The following JMJD1C variants were observed in gnomAD, a reference collection of about 807,000 sequenced individuals.
JMJD1C encodes the protein jumonji domain-containing protein 1C.
Under a neutral mutation model 245.3 loss-of-function variants are expected in JMJD1C, and 31 were observed. The ratio of observed to expected loss-of-function variants is 0.13; its 90% CI spans 0.09 to 0.17. The LOEUF (loss-of-function observed/expected upper bound fraction) is 0.17, where lower values mean the gene tolerates loss of function less well. Ranked by LOEUF, JMJD1C falls within the 10% of genes least tolerant of loss-of-function variation. The probability of loss-of-function intolerance (pLI) is 1.00; values close to 1 mark genes in which losing one functional copy is unlikely to be tolerated. For missense variants in JMJD1C, 2,691 were observed against 3,000.2 expected, an observed-to-expected ratio of 0.90 and a Z score of 2.41; for synonymous variants, 1,057 against 1,017.4, an observed-to-expected ratio of 1.04 and a Z score of -0.74.
intron 17 of JMJD1C, among the ~76,000 whole-genome samples, chr10:63,190,458 T>C (rs1321283492): frequency 6.6e-6 from 1 of 152,206 alleles, no homozygotes; most frequent in African/African-American, 2.4e-5. Context: ...CGCCTCAGTC[T>C]CCGAAAGTGC....
At chr10:63,380,105 AT>A (rs34420480) in intron 2 of JMJD1C, 121,839 of 330,178 alleles carry the variant, frequency 0.37, 10,769 homozygotes, top group Non-Finnish European at 0.39. Flanking sequence ...ACATCCAGCT[AT>A]TTTTTTTTTT....
chr10:63,521,208 G>T (rs1256637875), intron 1 of JMJD1C, among the ~76,000 whole-genome samples: 4 of 151,978 alleles, frequency 2.6e-5, no homozygotes. Context: ...GCGCGGGCTA[G>T]GATCCCGCCA....
chr10:63,334,300 G>C (rs1009350244), intron 2 of JMJD1C, among the ~76,000 whole-genome samples: 1 of 152,232 alleles, frequency 6.6e-6, no homozygotes, highest in South Asian at 2.1e-4. Flanking sequence ...TTAGGGAAAA[G>C]ACATGTAATT....
At chr10:63,484,647 A>T (rs1953937875) in intron 1 of JMJD1C, among the ~76,000 whole-genome samples, 1 of 150,754 alleles carries the variant, frequency 6.6e-6, no homozygotes, top group South Asian at 2.1e-4. Context: ...CTCTTAACTT[A>T]AAAAAAAAGG....
At chr10:63,226,586 G>C (rs1251101886) in intron 3 of JMJD1C, among the ~76,000 whole-genome samples, 4 of 151,586 alleles carry the variant, frequency 2.6e-5, no homozygotes, top group African/African-American at 9.7e-5. Flanking sequence ...GGTGGGGTGC[G>C]CACCTGTAGT....
At chr10:63,341,957 T>A (rs1943422270) in intron 2 of JMJD1C, among the ~76,000 whole-genome samples, 1 of 152,202 alleles carries the variant, frequency 6.6e-6, no homozygotes, top group Admixed American at 6.5e-5. Flanking sequence ...GTAACTATAT[T>A]CAGTGATGAT....
chr10:63,226,399 T>C (rs1019944023), intron 3 of JMJD1C, among the ~76,000 whole-genome samples: 3 of 151,982 alleles, frequency 2.0e-5, no homozygotes, highest in African/African-American at 7.3e-5. Flanking sequence ...AAAATAAAGG[T>C]ATTTTTTCAC....
intron 20 of JMJD1C, 114 bp from the exon 21 acceptor site, chr10:63,184,852 T>C: frequency 1.0e-6 from 1 of 977,830 alleles, no homozygotes. Flanking sequence ...ATAAGACAGG[T>C]AACAATTTTC....
intron 1 of JMJD1C, among the ~76,000 whole-genome samples, chr10:63,397,681 T>C (rs983834065): frequency 1.3e-5 from 2 of 149,558 alleles, no homozygotes; most frequent in Non-Finnish European, 2.9e-5. Flanking sequence ...TACAGTCATG[T>C]GCCACCACAC....
intron 1 of JMJD1C, chr10:63,427,879 G>A: frequency 3.8e-6 from 3 of 793,606 alleles, no homozygotes; most frequent in East Asian, 2.5e-5. Flanking sequence ...GATGGCACTG[G>A]CAGCTACAGA....
chr10:63,247,102 C>CAAAAAAA (rs200646094), intron 3 of JMJD1C, among the ~76,000 whole-genome samples: 2 of 60,840 alleles, frequency 3.3e-5, no homozygotes, highest in Non-Finnish European at 9.6e-5. Context: ...TAAACTGAGA[C>CAAAAAAA]AAAAAAAACA....
intron 1 of JMJD1C, among the ~76,000 whole-genome samples, chr10:63,495,537 C>T (rs1382425710): frequency 1.3e-5 from 2 of 151,190 alleles, no homozygotes; most frequent in African/African-American, 2.5e-5. Flanking sequence ...TTTGGGAAGC[C>T]GAGGCGGGCA....
chr10:63,223,562 G>A (rs1420305729), intron 3 of JMJD1C, among the ~76,000 whole-genome samples: 1 of 152,016 alleles, frequency 6.6e-6, no homozygotes, highest in Admixed American at 6.6e-5. Context: ...CCAACACCGT[G>A]CAGACAAGTA....
At chr10:63,373,769 T>C (rs1273230984) in intron 2 of JMJD1C, among the ~76,000 whole-genome samples, 2 of 152,188 alleles carry the variant, frequency 1.3e-5, no homozygotes, top group African/African-American at 2.4e-5. Flanking sequence ...TAGTATTTCA[T>C]TACGCTGTAG....
At chr10:63,274,866 A>G (rs1220333620) in intron 2 of JMJD1C, among the ~76,000 whole-genome samples, 7 of 152,126 alleles carry the variant, frequency 4.6e-5, no homozygotes, top group Admixed American at 2.6e-4. Context: ...TCAGTCTTTT[A>G]TAAGAGAACG....
At chr10:63,215,182 T>G in intron 7 of JMJD1C, 31 bp from the exon 8 acceptor site, 1 of 1,516,074 alleles carries the variant, frequency 6.6e-7, no homozygotes. Context: ...GAGTCTTATT[T>G]TTCATACTAA....
chr10:63,341,316 G>A (rs1035986225), intron 2 of JMJD1C, among the ~76,000 whole-genome samples: 2 of 152,178 alleles, frequency 1.3e-5, no homozygotes, highest in Admixed American at 1.3e-4. Flanking sequence ...AAAATGTGAC[G>A]CCAGAACAAA....
intron 2 of JMJD1C, among the ~76,000 whole-genome samples, chr10:63,337,618 GAAAAGAAAAAGAAAAGAAAAA>G (rs1942949095): frequency 2.6e-5 from 2 of 77,650 alleles, no homozygotes; most frequent in Non-Finnish European, 4.4e-5. Context: ...GAAAAGAAAA[GAAAAGAAAAAGAAAAGAAAAA>G]AAATCCGCTA....
chr10:63,239,411 G>A lies in JMJD1C; in HGVS notation c.448-19428C>T, dbSNP rs373159324. On this transcript the variant is annotated intron_variant, in intron 3 of 25. Transcript: ENST00000399262. ...ATTAGTAATTCTGGGAGACTAATAT[G>A]TAAGGGCAAGAGAGAGACCTAAAAC... Among the ~76,000 whole-genome samples the A allele has an allele frequency of 2.0e-5, 3 of 152,226 alleles. No individual in the cohort carries two copies. The East Asian group carries it at 5.8e-4, about 29-fold the overall frequency.
Sources: gnomAD v4.1 joint callset for allele counts (sites outside exome capture counted in the v4.1 genomes callset) on GRCh38, gnomAD v4.1.1 for gene constraint, MANE v1.5 for transcripts, NCBI Gene and HGNC (gene_info 2026-07-23, HGNC 2026-07-21) for gene names.